The following JAKMIP3 variants were observed in gnomAD, a reference collection of about 807,000 sequenced individuals.
JAKMIP3 encodes the protein Janus kinase and microtubule interacting protein 3.
In JAKMIP3, 58 loss-of-function variants were observed where a neutral mutation model predicts 118.5. The ratio of observed to expected loss-of-function variants is 0.49; its 90% CI spans 0.40 to 0.61. JAKMIP3 has a LOEUF of 0.61. Ranked by LOEUF, JAKMIP3 falls within the 20% of genes least tolerant of loss-of-function variation. The pLI is 0.00. For missense variants in JAKMIP3, 950 were observed against 1,109.0 expected, an observed-to-expected ratio of 0.86 and a Z score of 2.04; for synonymous variants, 486 against 451.2, an observed-to-expected ratio of 1.08 and a Z score of -0.98.
intron 15 of JAKMIP3, 68 bp from the exon 16 acceptor site, chr10:132,149,914 C>T: frequency 3.4e-6 from 1 of 298,468 alleles, no homozygotes; most frequent in South Asian, 2.6e-5. Flanking sequence ...CCCTTCCCTG[C>T]CCTGTCCTTC....
At chr10:132,144,799 C>T in intron 11 of JAKMIP3, 1 of 276,554 alleles carries the variant, frequency 3.6e-6, no homozygotes. Context: ...TGTGGTGGTG[C>T]ATACCTGTGG....
intron 1 of JAKMIP3, 105 bp from the exon 2 acceptor site, chr10:132,104,567 A>C: frequency 1.9e-6 from 1 of 539,650 alleles, no homozygotes; most frequent in Non-Finnish European, 3.3e-6. Context: ...TCAGCACTGC[A>C]ATGAGGTGGG....
chr10:132,103,092 C>G (rs544484958), intron 1 of JAKMIP3, among the ~76,000 whole-genome samples: 1 of 152,040 alleles, frequency 6.6e-6, no homozygotes, highest in Admixed American at 6.5e-5. Context: ...TGTGATCTGC[C>G]TGCTTGTCCC....
intron 1 of JAKMIP3, among the ~76,000 whole-genome samples, chr10:132,103,492 G>A (rs79363678): frequency 0.091 from 11,738 of 128,534 alleles, 761 homozygotes; most frequent in East Asian, 0.29. Flanking sequence ...AGAGCACCTG[G>A]GGGAGAGGAG....
At chr10:132,153,877 C>T (rs755898159) in intron 18 of JAKMIP3, 36 bp from the exon 19 acceptor site, 3 of 1,612,666 alleles carry the variant, frequency 1.9e-6, no homozygotes, top group African/African-American at 2.7e-5. Flanking sequence ...GCAGGTGGGA[C>T]ATCCGAGACC....
intron 16 of JAKMIP3, among the ~76,000 whole-genome samples, chr10:132,150,824 C>T (rs1290466147): frequency 1.3e-5 from 2 of 152,118 alleles, no homozygotes; most frequent in Non-Finnish European, 2.9e-5. Flanking sequence ...ATCTATCTGT[C>T]CTCCACAATT....
intron 10 of JAKMIP3, 32 bp downstream of exon 10, chr10:132,140,611 T>G: frequency 7.5e-7 from 1 of 1,337,540 alleles, no homozygotes; most frequent in Non-Finnish European, 9.8e-7. Context: ...GTCCTGGGCT[T>G]GGAGGAGGTA....
At chr10:132,143,305 A>G (rs568453515) in intron 11 of JAKMIP3, among the ~76,000 whole-genome samples, 11 of 152,182 alleles carry the variant, frequency 7.2e-5, no homozygotes, top group Admixed American at 1.3e-4. Context: ...AGAGCATCAT[A>G]AAGCACAGCA....
chr10:132,142,354 C>T (rs1016557445), intron 11 of JAKMIP3, among the ~76,000 whole-genome samples: 2 of 152,224 alleles, frequency 1.3e-5, no homozygotes, highest in African/African-American at 2.4e-5. Context: ...CAGGGTGGGC[C>T]TCCTTCCAGA....
intron 3 of JAKMIP3, among the ~76,000 whole-genome samples, chr10:132,126,868 T>C (rs552807178): frequency 1.3e-5 from 2 of 152,338 alleles, no homozygotes; most frequent in East Asian, 1.9e-4. Context: ...ATTTTATATA[T>C]AAGTATACAC....
At chr10:132,040,638 CTTT>C (rs34272105) in intron 1 of JAKMIP3, among the ~76,000 whole-genome samples, 21,515 of 146,322 alleles carry the variant, frequency 0.15, 1,623 homozygotes, top group African/African-American at 0.17. Flanking sequence ...TCCCGATGAG[CTTT>C]TTTTTTTTTT....
In JAKMIP3 at chr10:132,163,418, TG is replaced by T; in HGVS notation, c.2424+8del. ...TGCTGCAGCTGGCTCAGCAGGTGTG[TG>T]GCAGGCGGGGGCAGGGCTGGCGTGA... On this transcript the variant is annotated splice_region_variant and intron_variant, in intron 20 of 23. Coordinates refer to ENST00000684848, the MANE Select transcript of JAKMIP3 (RefSeq NM_001323087.2). The T allele has an allele frequency of 6.3e-7, 1 of 1,592,618 alleles. No individual in the cohort carries two copies. The highest frequency in any genetic ancestry group is 8.5e-7 in the Non-Finnish European group (1 of 1,175,986).
chr10:132,121,282 C>T (rs377375961), intron 3 of JAKMIP3, among the ~76,000 whole-genome samples: 7 of 152,148 alleles, frequency 4.6e-5, no homozygotes, highest in South Asian at 4.1e-4. Context: ...CCAGGACAGC[C>T]GCCAACCCAG....
chr10:132,082,019 C>T (rs993480135), intron 1 of JAKMIP3, among the ~76,000 whole-genome samples: 17 of 151,730 alleles, frequency 1.1e-4, no homozygotes, highest in African/African-American at 3.9e-4. Context: ...CTCTGTGGGT[C>T]GGCTTTACCC....
chr10:132,094,200 C>T (rs1167957181), intron 1 of JAKMIP3, among the ~76,000 whole-genome samples: 2 of 152,078 alleles, frequency 1.3e-5, no homozygotes, highest in African/African-American at 4.8e-5. Flanking sequence ...TGGGCTTTGC[C>T]TTTCTCTGGT....
At chr10:132,043,768 T>C (rs2037828948) in intron 1 of JAKMIP3, among the ~76,000 whole-genome samples, 1 of 152,136 alleles carries the variant, frequency 6.6e-6, no homozygotes, top group Non-Finnish European at 1.5e-5. Context: ...AGCTGGACCA[T>C]GTGGGGAGGA....
chr10:132,157,687 T>C (rs992455393), intron 19 of JAKMIP3, among the ~76,000 whole-genome samples: 1 of 152,232 alleles, frequency 6.6e-6, no homozygotes, highest in South Asian at 2.1e-4. Context: ...ACGCCACGTC[T>C]GTTTGTAACC....
rs74161735 is a variant in JAKMIP3 at position 132,168,697 on chromosome 10, G to C, written c.*767G>C. ...AAGCCGCCAGCTGGGAGCACCGCGG[G>C]ACTGAGCCAAGGAAGGCGTGGGGAG... On this transcript the variant is annotated 3_prime_UTR_variant, in exon 23 of 24. Coordinates refer to ENST00000684848, the MANE Select transcript of JAKMIP3 (RefSeq NM_001323087.2). The C allele has an allele frequency of 1.1e-3, 329 of 309,826 alleles. 3 individuals are homozygous for C. The highest frequency in any genetic ancestry group is 6.8e-3 in the African/African-American group (305 of 44,630). The allele number at this position is 309,826 out of a possible 1,614,324, so 19.2% of individuals were successfully genotyped here.
chr10:132,038,965 G>A (rs760207574), intron 1 of JAKMIP3, among the ~76,000 whole-genome samples: 1 of 152,130 alleles, frequency 6.6e-6, no homozygotes, highest in African/African-American at 2.4e-5. Context: ...GCAGAGGCAG[G>A]TGGAGGCCAC....
Sources: gnomAD v4.1 joint callset for allele counts (sites outside exome capture counted in the v4.1 genomes callset) on GRCh38, gnomAD v4.1.1 for gene constraint, MANE v1.5 for transcripts, NCBI Gene and HGNC (gene_info 2026-07-23, HGNC 2026-07-21) for gene names.